The following MYO16 variants were observed in gnomAD, a reference collection of about 807,000 sequenced individuals.
MYO16 encodes the protein unconventional myosin-XVI.
MYO16 carries 94 observed loss-of-function variants against 205.3 expected under a neutral mutation model. That is an observed-to-expected ratio of 0.46 (90% CI 0.39 to 0.54). MYO16 has a LOEUF of 0.54. Among genes scored for constraint, MYO16 ranks in the 20% least tolerant of loss-of-function variants. MYO16 has a pLI of 0.00. For synonymous variants in MYO16, 988 were observed against 954.0 expected, an observed-to-expected ratio of 1.04 and a Z score of -0.66; for missense variants, 2,315 against 2,387.5, an observed-to-expected ratio of 0.97 and a Z score of 0.63.
intron 11 of MYO16, among the ~76,000 whole-genome samples, chr13:108,864,275 T>C (rs2139121127): frequency 6.6e-6 from 1 of 152,246 alleles, no homozygotes; most frequent in East Asian, 1.9e-4. Flanking sequence ...TAACAAGTAT[T>C]CTAGGCTATA....
chr13:108,702,312 T>C (rs866505183), intron 2 of MYO16, among the ~76,000 whole-genome samples: 2 of 152,350 alleles, frequency 1.3e-5, no homozygotes, highest in South Asian at 4.1e-4. Flanking sequence ...ACAGAAGTTA[T>C]GCTTCATGTA....
rs537067726 is a variant in MYO16, at chr13:108,715,005, T to G, written c.363+2274T>G. Among the ~76,000 whole-genome samples, 750 of 152,192 alleles carry G rather than the reference T, an allele frequency of 4.9e-3. 4 individuals carry two copies. The highest frequency in any genetic ancestry group is 0.017 in the African/African-American group (721 of 41,524). On this transcript the variant is annotated intron_variant, in intron 3 of 34. Coordinates refer to ENST00000457511, the MANE Select transcript of MYO16 (RefSeq NM_001198950.3). ...ATACTGTTTCCCATTCACAGCCGGG[T>G]CGTGTCACTTCTGTATCTGAAATGC...
chr13:108,953,402 A>G (rs1241927462), intron 16 of MYO16, among the ~76,000 whole-genome samples: 1 of 152,220 alleles, frequency 6.6e-6, no homozygotes, highest in East Asian at 1.9e-4. Flanking sequence ...AAATACTCAC[A>G]TTCTGTACAT....
chr13:108,724,246 G>A (rs969907878), intron 3 of MYO16, among the ~76,000 whole-genome samples: 6 of 151,980 alleles, frequency 3.9e-5, no homozygotes, highest in African/African-American at 9.7e-5. Flanking sequence ...TGTCATATGC[G>A]AATAATGGCA....
At chr13:108,710,172 A>G (rs1311844674) in intron 2 of MYO16, among the ~76,000 whole-genome samples, 1 of 152,312 alleles carries the variant, frequency 6.6e-6, no homozygotes, top group South Asian at 2.1e-4. Context: ...CTGACTGGTA[A>G]AATTCCAGGA....
intron 22 of MYO16, among the ~76,000 whole-genome samples, chr13:109,011,761 C>A (rs1885609986): frequency 6.6e-6 from 1 of 152,052 alleles, no homozygotes; most frequent in Non-Finnish European, 1.5e-5. Context: ...AATCCGCCTG[C>A]CTCACCTCCC....
chr13:109,108,127 A>G (rs1889176282), intron 28 of MYO16, among the ~76,000 whole-genome samples: 1 of 152,136 alleles, frequency 6.6e-6, no homozygotes, highest in Non-Finnish European at 1.5e-5. Flanking sequence ...CTCTCTTTCC[A>G]CACTTAACTT....
Position 109,052,367 on chromosome 13 carries a change from T to C in MYO16, c.2940T>C (p.Ser980=), listed in dbSNP as rs772623481. 1.2e-6 allele frequency: 2 copies of C among 1,612,998 alleles called. No homozygotes were observed. The highest frequency in any genetic ancestry group is 3.3e-5 in the Admixed American group (2 of 59,938). ...SKLSQTGSLV[S]AYPSFKFRGH... Reference sequence around the variant, plus strand: ...TGTCACAAACAGGATCCCTCGTATCTGCCTATCCTTCCTTTAAATTCCGAG... The same window carrying C: ...TGTCACAAACAGGATCCCTCGTATCCGCCTATCCTTCCTTTAAATTCCGAG... Residue 980 remains serine (S), a synonymous_variant, in exon 25 of 35, where the codon TCT becomes TCC. Transcript: ENST00000457511.
chr13:108,673,044 T>C (rs1487222924), intron 2 of MYO16, among the ~76,000 whole-genome samples: 1 of 151,140 alleles, frequency 6.6e-6, no homozygotes, highest in African/African-American at 2.4e-5. Flanking sequence ...TTATTGAAAG[T>C]AGGTAGGTCA....
intron 3 of MYO16, among the ~76,000 whole-genome samples, chr13:108,725,161 G>A (rs971133624): frequency 6.6e-6 from 1 of 151,964 alleles, no homozygotes; most frequent in Non-Finnish European, 1.5e-5. Flanking sequence ...TTTCATTTAT[G>A]TACTTAACAT....
chr13:108,967,153 A>ATGTGTGTG (rs568054141), intron 20 of MYO16, among the ~76,000 whole-genome samples: 10,401 of 150,890 alleles, frequency 0.069, 448 homozygotes, highest in Admixed American at 0.096. Context: ...CTGACTATAT[A>ATGTGTGTG]TATGTGTGTG....
At chr13:108,499,624 A>G in the MYO16 span, among the ~76,000 whole-genome samples, 2,402 of 152,324 alleles carry the variant, frequency 0.016, 61 homozygotes, top group African/African-American at 0.054. Context: ...GGAAGACATG[A>G]CAATAAACCA....
At position 109,070,334 on chromosome 13, in the gene MYO16, G is replaced by A. The variant is rs1352860313; in HGVS notation, c.3335+14739G>A. On this transcript the variant is annotated intron_variant, in intron 27 of 34. Coordinates refer to ENST00000457511, the MANE Select transcript of MYO16 (RefSeq NM_001198950.3). ...GAAGGCCTTCCACTGTATGCCCATCGCCTGGCACTAGTGGGTGACCAACAG... is the reference window on the plus strand; with the variant it reads ...GAAGGCCTTCCACTGTATGCCCATCACCTGGCACTAGTGGGTGACCAACAG... Among the ~76,000 whole-genome samples the A allele has an allele frequency of 4.6e-5, 7 of 152,094 alleles. No homozygotes were observed. In the South Asian group the frequency reaches 6.2e-4, roughly 14 times the overall value.
At chr13:108,766,457 T>C (rs1401568857) in intron 4 of MYO16, among the ~76,000 whole-genome samples, 2 of 152,220 alleles carry the variant, frequency 1.3e-5, no homozygotes, top group Non-Finnish European at 2.9e-5. Flanking sequence ...GGAAAAGAGA[T>C]AGCAGTTCAA....
In MYO16 at chr13:108,844,343, C is replaced by T; in HGVS notation, c.1098C>T (p.Leu366=). 3.1e-6 allele frequency: 5 copies of T among 1,601,458 alleles called. No homozygotes were observed. The highest frequency in any genetic ancestry group is 2.6e-6 in the Non-Finnish European group (3 of 1,173,116). The change falls in exon 10 of 35, where the codon CTC becomes CTT. Residue 366 remains leucine (L), a splice_region_variant and synonymous_variant. Coordinates refer to ENST00000457511, the MANE Select transcript of MYO16 (RefSeq NM_001198950.3). ...GTAGTATTGATTTTTTTTCCTGTAG[C>T]AGTCCCCTGGTGTTACCAATTGCCA... The part of the protein sequence containing the change: ...IHDLPVLSSK[L]SPLVLPIAKQ...
At chr13:108,629,036 A>G (rs927902744), upstream of MYO16, among the ~76,000 whole-genome samples, 2 of 152,230 alleles carry the variant, frequency 1.3e-5, no homozygotes, top group African/African-American at 4.8e-5. Context: ...ATTCCAATTC[A>G]GTCAGATTTA....
At position 108,699,092 on chromosome 13, in the gene MYO16, CTCTCTATA is replaced by C. The variant is rs759604525; in HGVS notation, c.293-13567_293-13560del. Among the ~76,000 whole-genome samples the C allele has an allele frequency of 2.1e-5, 3 of 143,454 alleles. No homozygotes were observed. In the East Asian group the frequency reaches 6.3e-4, roughly 30 times the overall value. 94.1% of individuals were successfully genotyped at this position (143,454 alleles called of 152,430 possible). A position where few individuals can be genotyped will look rare whatever the true frequency, so the allele number is the denominator to read the frequency against. ...TCTCTCTCTGTCTCTCTCTCTCTCT[CTCTCTATA>C]TATATATATATGTGTGTGTGTATAT... On this transcript the variant is annotated intron_variant, in intron 2 of 34. Transcript: ENST00000457511.
At chr13:108,971,478 A>T (rs1467474043) in intron 20 of MYO16, among the ~76,000 whole-genome samples, 1 of 148,254 alleles carries the variant, frequency 6.7e-6, no homozygotes, top group Non-Finnish European at 1.5e-5. Flanking sequence ...ATAGAGGGTT[A>T]TTTGAGTATA....
intron 28 of MYO16, among the ~76,000 whole-genome samples, chr13:109,119,017 A>G (rs1194970805): frequency 6.6e-6 from 1 of 152,132 alleles, no homozygotes; most frequent in Non-Finnish European, 1.5e-5. Flanking sequence ...GACTGTCATA[A>G]TGCATGATTC....
Sources: allele counts gnomAD v4.1 joint callset (sites outside exome capture counted in the v4.1 genomes callset), GRCh38; gene constraint gnomAD v4.1.1; transcripts MANE v1.5; gene names NCBI Gene and HGNC (gene_info 2026-07-23, HGNC 2026-07-21).